AFG3L2: variants seen among roughly 807,000 people sequenced by gnomAD.
AFG3L2 encodes the protein AFG3 like matrix AAA peptidase subunit 2, also known as mitochondrial inner membrane m-AAA protease component AFG3L2.
A neutral mutation model predicts 94.5 loss-of-function variants in AFG3L2; 54 were observed. The observed-to-expected ratio is 0.57, with a 90% CI of 0.46 to 0.72. The LOEUF is 0.72. AFG3L2 is among the 30% of genes least tolerant of loss of function. The pLI, the probability that AFG3L2 is intolerant of heterozygous loss-of-function variation, is 0.00. For missense variants in AFG3L2, 754 were observed against 994.9 expected (o/e 0.76, Z 3.26); for synonymous variants, 377 against 365.5 (o/e 1.03, Z -0.36).
At chr18:12,335,538 A>T (rs1231144730) in intron 16 of AFG3L2, among the ~76,000 whole-genome samples, 1 of 152,130 alleles carries the variant, frequency 6.6e-6, no homozygotes, top group African/African-American at 2.4e-5. Flanking sequence ...ATCCCCTGTA[A>T]CTGGTGTTTC....
chr18:12,340,108 A>C, intron 15 of AFG3L2, 93 bp downstream of exon 15: 1 of 1,195,426 alleles, frequency 8.4e-7, no homozygotes, highest in South Asian at 1.2e-5. Flanking sequence ...ACAGTGAAGC[A>C]CAACTATATT....
chr18:12,371,636 T>G lies in AFG3L2; in HGVS notation c.170A>C (p.Asp57Ala). The G allele has an allele frequency of 1.2e-6, 2 of 1,614,114 alleles. No homozygotes were observed. The highest frequency in any genetic ancestry group is 1.7e-6 in the Non-Finnish European group (2 of 1,180,026). ...ARASRNSLLTDIIAAYQRFCS... is the reference protein window; with the variant it reads ...ARASRNSLLTAIIAAYQRFCS... ...GAATCTTTGATAAGCAGCAATTATA[T>G]CTGTCAAAAGAGAATTTCTGCTGGC... is the stretch of plus-strand genomic sequence containing the variant. Residue 57 changes from aspartate to alanine, a missense_variant, in exon 2 of 17, where the codon GAT becomes GCT. Around this residue, in one of 4 missense-constraint regions of AFG3L2, gnomAD observed 236 missense variants for 214.0 expected, o/e 1.10. Transcript: ENST00000269143.
chr18:12,367,814 G>A (rs1321369417), intron 3 of AFG3L2, among the ~76,000 whole-genome samples: 3 of 152,170 alleles, frequency 2.0e-5, no homozygotes, highest in Non-Finnish European at 4.4e-5. Flanking sequence ...AATTTCGGGG[G>A]GCCAAAGCAG....
intron 3 of AFG3L2, among the ~76,000 whole-genome samples, chr18:12,370,227 A>AAAT (rs1486443924): frequency 6.6e-6 from 1 of 152,132 alleles, no homozygotes; most frequent in Non-Finnish European, 1.5e-5. Context: ...TGTATCAAAT[A>AAAT]AATTGCATGT....
At chr18:12,362,604 A>C (rs1388799130) in intron 6 of AFG3L2, among the ~76,000 whole-genome samples, 1 of 152,204 alleles carries the variant, frequency 6.6e-6, no homozygotes, top group Non-Finnish European at 1.5e-5. Context: ...TGTGCATGCC[A>C]ACACTGGAAA....
chr18:12,371,394 C>A (rs938979804), intron 2 of AFG3L2, among the ~76,000 whole-genome samples, 198 bp downstream of exon 2: 2 of 151,246 alleles, frequency 1.3e-5, no homozygotes, highest in Admixed American at 1.3e-4. Flanking sequence ...TAATATAGTT[C>A]ACAACCCAGA....
At chr18:12,356,594 T>C (rs1908502546) in intron 9 of AFG3L2, 100 bp downstream of exon 9, 1 of 1,544,250 alleles carries the variant, frequency 6.5e-7, no homozygotes, top group African/African-American at 1.4e-5. Context: ...GAGGTCACTC[T>C]AGCACTCTAG....
chr18:12,345,623 C>G (rs1049009752), intron 13 of AFG3L2, among the ~76,000 whole-genome samples: 1 of 152,184 alleles, frequency 6.6e-6, no homozygotes, highest in Non-Finnish European at 1.5e-5. Flanking sequence ...AGGAGTCATT[C>G]ATTTTCTCAG....
chr18:12,332,968 T>TAATATATTATATACTATAA (rs1175739544), intron 16 of AFG3L2, among the ~76,000 whole-genome samples: 17 of 30,842 alleles, frequency 5.5e-4, no homozygotes, highest in South Asian at 2.5e-3. Context: ...CTATAATATA[T>TAATATATTATATACTATAA]TATATATTAT....
chr18:12,376,883 G>A, intron 1 of AFG3L2, 86 bp downstream of exon 1: 2 of 1,067,020 alleles, frequency 1.9e-6, no homozygotes, highest in East Asian at 3.4e-5. Flanking sequence ...GGAGGGCGGG[G>A]GCCAGTGACC....
At chr18:12,376,886 C>T in intron 1 of AFG3L2, 83 bp downstream of exon 1, 2 of 1,096,038 alleles carry the variant, frequency 1.8e-6, no homozygotes, top group Non-Finnish European at 1.2e-6. Flanking sequence ...GGGCGGGGGC[C>T]AGTGACCTTG....
At chr18:12,354,144 C>T (rs866684484) in intron 9 of AFG3L2, among the ~76,000 whole-genome samples, 1 of 131,196 alleles carries the variant, frequency 7.6e-6, no homozygotes, top group Non-Finnish European at 1.6e-5. Flanking sequence ...CCCCCCCCCC[C>T]CACTTCACTG....
chr18:12,364,321 C>G (rs4797680), intron 5 of AFG3L2, among the ~76,000 whole-genome samples: 116,916 of 152,110 alleles, frequency 0.77, 45,238 homozygotes, highest in Non-Finnish European at 0.81. Flanking sequence ...AGACAGCTAG[C>G]CTGTTACACA....
intron 16 of AFG3L2, among the ~76,000 whole-genome samples, chr18:12,331,860 T>TATATATATAA (rs1907543197): frequency 7.1e-6 from 1 of 141,150 alleles, no homozygotes; most frequent in African/African-American, 2.8e-5. Context: ...TATATATATA[T>TATATATATAA]AAAACAAGGG....
Position 12,356,817 on chromosome 18 carries a change from A to C in AFG3L2, c.1041T>G (p.Thr347=), listed in dbSNP as rs767858002. Residue 347 remains threonine (T), a synonymous_variant, in exon 9 of 17, where the codon ACT becomes ACG. Coordinates refer to ENST00000269143, the MANE Select transcript of AFG3L2 (RefSeq NM_006796.3). ...GCGTCTTCCCAGTGCCTGGAGGACC[A>C]GTGAGAATGGCACCCTTCAGATATG... is the stretch of plus-strand genomic sequence containing the variant. ...GAKIPKGAIL[T]GPPGTGKTLL... 2 of 1,614,182 alleles carry C rather than the reference A, an allele frequency of 1.2e-6. No homozygotes were observed. The highest frequency in any genetic ancestry group is 1.7e-6 in the Non-Finnish European group (2 of 1,180,030).
chr18:12,337,290 A>T, intron 16 of AFG3L2, 51 bp downstream of exon 16: 1 of 1,542,774 alleles, frequency 6.5e-7, no homozygotes, highest in Non-Finnish European at 9.0e-7. Flanking sequence ...CTATCACTTC[A>T]ATCTTTTTTT....
intron 16 of AFG3L2, among the ~76,000 whole-genome samples, chr18:12,335,141 T>C (rs1234908684): frequency 1.3e-5 from 2 of 152,060 alleles, no homozygotes; most frequent in African/African-American, 4.8e-5. Flanking sequence ...CCTAAAACCT[T>C]TACCCTGAAA....
At chr18:12,338,441 G>A (rs1907825201) in intron 15 of AFG3L2, among the ~76,000 whole-genome samples, 1 of 152,154 alleles carries the variant, frequency 6.6e-6, no homozygotes. Context: ...TGAAGAAGCT[G>A]ATCCAGTCTG....
intron 9 of AFG3L2, among the ~76,000 whole-genome samples, chr18:12,354,445 C>A (rs1282405076): frequency 6.6e-6 from 1 of 152,148 alleles, no homozygotes; most frequent in Non-Finnish European, 1.5e-5. Context: ...TGGAAAAGCC[C>A]CTGCTTGCTG....
Sources: gnomAD v4.1 joint callset for allele counts (sites outside exome capture counted in the v4.1 genomes callset) on GRCh38, gnomAD v4.1.1 for gene constraint, gnomAD v4.1.1 regional missense constraint, MANE v1.5 for transcripts, NCBI Gene and HGNC (gene_info 2026-07-23, HGNC 2026-07-21) for gene names.